Variants in DOCK3 observed in about 807,000 individuals in gnomAD.
DOCK3 encodes dedicator of cytokinesis 3, also known as dedicator of cytokinesis protein 3.
Under a neutral mutation model 265.6 loss-of-function variants are expected in DOCK3, and 60 were observed. The ratio of observed to expected loss-of-function variants is 0.23; its 90% confidence interval spans 0.18 to 0.28. The LOEUF (loss-of-function observed/expected upper bound fraction) is 0.28. Ranked by LOEUF, DOCK3 falls within the 10% of genes least tolerant of loss-of-function variation. DOCK3 has a pLI of 1.00. For missense variants in DOCK3, 1,981 were observed against 2,594.3 expected (o/e 0.76, Z 5.14); for synonymous variants, 881 against 938.0 (o/e 0.94, Z 1.11).
intron 2 of DOCK3, among the ~76,000 whole-genome samples, chr3:50,786,315 A>C (rs1307289234): frequency 6.6e-6 from 1 of 152,186 alleles, no homozygotes; most frequent in Non-Finnish European, 1.5e-5. Context: ...TACAAAAGTC[A>C]CCAGAAAATG....
chr3:51,170,079 G>A (rs1293011707), intron 12 of DOCK3, among the ~76,000 whole-genome samples: 4 of 152,038 alleles, frequency 2.6e-5, no homozygotes, highest in African/African-American at 9.7e-5. Flanking sequence ...AATGTTCATT[G>A]GACATATTGG....
At chr3:51,168,274 G>C (rs951557077) in intron 12 of DOCK3, among the ~76,000 whole-genome samples, 6 of 152,154 alleles carry the variant, frequency 3.9e-5, no homozygotes, top group Admixed American at 6.5e-5. Context: ...AAAAGAGCCC[G>C]AATGGCTAAG....
Position 51,319,396 on chromosome 3 carries a change from T to TA in DOCK3, c.3402+4285dup, listed in dbSNP as rs10709692. On this transcript the variant is annotated intron_variant, in intron 32 of 52. Coordinates refer to ENST00000266037, the MANE Select transcript of DOCK3 (RefSeq NM_004947.5). The stretch of plus-strand genomic sequence containing the variant: ...AATGTGCAAAATGCACAACACTTGA[T>TA]AAAAAAAAAAAAAAAAACCCAGTTA... Among the ~76,000 whole-genome samples the TA allele has an allele frequency of 2.1e-3, 296 of 142,076 alleles. 2 individuals carry two copies. Among genetic ancestry groups the TA allele is most frequent in the East Asian group, 4.2e-3 (20 of 4,722 alleles). 93.2% of individuals were successfully genotyped at this position (142,076 alleles called of 152,430 possible). A position where few individuals can be genotyped will look rare whatever the true frequency, so the allele number is the denominator to read the frequency against.
chr3:50,884,288 G>A (rs558062696), intron 3 of DOCK3, among the ~76,000 whole-genome samples: 5 of 151,190 alleles, frequency 3.3e-5, no homozygotes, highest in African/African-American at 9.7e-5. Context: ...ACAGGATTTC[G>A]CCATGTTGGC....
intron 5 of DOCK3, among the ~76,000 whole-genome samples, chr3:50,959,558 G>GTA (rs35114347): frequency 0.09 from 12,531 of 139,302 alleles, 727 homozygotes; most frequent in East Asian, 0.26. Flanking sequence ...GTGTGTGTGT[G>GTA]TATATATATA....
intron 5 of DOCK3, among the ~76,000 whole-genome samples, chr3:51,004,860 T>G (rs1055606261): frequency 8.7e-5 from 13 of 149,902 alleles, no homozygotes; most frequent in African/African-American, 3.0e-4. Flanking sequence ...GTATTCTTAC[T>G]CTTTATCGTT....
At chr3:50,840,077 T>G (rs1009292717) in intron 2 of DOCK3, among the ~76,000 whole-genome samples, 1 of 152,014 alleles carries the variant, frequency 6.6e-6, no homozygotes, top group Non-Finnish European at 1.5e-5. Flanking sequence ...GGGCTGTTTA[T>G]TTTCTTATTG....
intron 4 of DOCK3, among the ~76,000 whole-genome samples, chr3:50,933,500 A>G (rs2051181296): frequency 6.6e-6 from 1 of 152,140 alleles, no homozygotes; most frequent in Admixed American, 6.5e-5. Flanking sequence ...ATACCAATAT[A>G]AGGGAGTATG....
In DOCK3 at chr3:50,780,978, G is replaced by T. The variant is rs561447270; in HGVS notation, c.121+2220G>T. Among the ~76,000 whole-genome samples, 16 of 151,944 alleles carry T rather than the reference G, an allele frequency of 1.1e-4. No homozygotes were observed. In the South Asian group the frequency reaches 2.5e-3, roughly 24 times the overall value. On this transcript the variant is annotated intron_variant, in intron 2 of 52. Transcript: ENST00000266037. The stretch of plus-strand genomic sequence containing the variant: ...AGTTCCATTCACATTACCATGAATG[G>T]CAGGACTTCAGTATTTTTTATGGCA...
chr3:51,018,633 A>G (rs940869833), intron 5 of DOCK3, among the ~76,000 whole-genome samples: 8 of 151,810 alleles, frequency 5.3e-5, no homozygotes, highest in Non-Finnish European at 1.5e-5. Flanking sequence ...CACGCAATTC[A>G]TTTATATTTC....
intron 27 of DOCK3, 70 bp downstream of exon 27, chr3:51,280,274 T>C (rs1352554063): frequency 4.9e-6 from 7 of 1,417,842 alleles, no homozygotes; most frequent in Non-Finnish European, 5.8e-6. Flanking sequence ...GCTTTTTCCC[T>C]GTCAGGGGGA....
intron 1 of DOCK3, among the ~76,000 whole-genome samples, chr3:50,677,191 C>A (rs1044868062): frequency 1.2e-4 from 18 of 152,358 alleles, no homozygotes; most frequent in African/African-American, 4.3e-4. Flanking sequence ...ATTTTCATAG[C>A]AGCTGTGGTT....
chr3:51,011,063 C>A (rs2078930425), intron 5 of DOCK3, among the ~76,000 whole-genome samples: 1 of 152,150 alleles, frequency 6.6e-6, no homozygotes, highest in Non-Finnish European at 1.5e-5. Context: ...TGTTTTCCTT[C>A]ATTTCAACTT....
At chr3:50,680,780 A>C (rs1192415524) in intron 1 of DOCK3, among the ~76,000 whole-genome samples, 2 of 151,616 alleles carry the variant, frequency 1.3e-5, no homozygotes, top group Non-Finnish European at 2.9e-5. Context: ...GCGGGTTTAC[A>C]GGTATGAGCC....
intron 27 of DOCK3, among the ~76,000 whole-genome samples, chr3:51,303,485 G>A (rs1271375476): frequency 6.6e-6 from 1 of 152,186 alleles, no homozygotes; most frequent in African/African-American, 2.4e-5. Context: ...TGGAGGAGAA[G>A]AGACATTCTG....
chr3:50,885,898 G>A (rs1412158720), intron 3 of DOCK3, among the ~76,000 whole-genome samples: 1 of 151,972 alleles, frequency 6.6e-6, no homozygotes, highest in Non-Finnish European at 1.5e-5. Context: ...GGGGCAGAGG[G>A]GGTTGCTGTT....
intron 5 of DOCK3, among the ~76,000 whole-genome samples, chr3:51,020,675 A>G (rs1005182442): frequency 2.8e-4 from 42 of 151,696 alleles, no homozygotes; most frequent in East Asian, 1.3e-3. Flanking sequence ...TCTAGTTTCA[A>G]TTTTCTGCAT....
intron 27 of DOCK3, among the ~76,000 whole-genome samples, chr3:51,306,258 T>C (rs1000829029): frequency 1.3e-5 from 2 of 152,164 alleles, no homozygotes; most frequent in African/African-American, 4.8e-5. Flanking sequence ...GCTGTCTGCC[T>C]TCTGGCCTCC....
chr3:51,132,953 G>A (rs1175228264), intron 9 of DOCK3, among the ~76,000 whole-genome samples: 1 of 152,116 alleles, frequency 6.6e-6, no homozygotes, highest in Non-Finnish European at 1.5e-5. Flanking sequence ...TGTCTGAGGA[G>A]ATACATGCTG....
Sources: allele counts gnomAD v4.1 joint callset (sites outside exome capture counted in the v4.1 genomes callset), GRCh38; gene constraint gnomAD v4.1.1; transcripts MANE v1.5; gene names NCBI Gene and HGNC (gene_info 2026-07-23, HGNC 2026-07-21).